Variants in CEP128 observed in about 807,000 individuals in gnomAD.
CEP128 encodes the protein centrosomal protein 128.
In CEP128, 132 loss-of-function variants were observed where a neutral mutation model predicts 156.7. The ratio of observed to expected loss-of-function variants is 0.84; its 90% CI spans 0.73 to 0.97. The LOEUF is 0.97. Among genes scored for constraint, CEP128 ranks in the 50% least tolerant of loss-of-function variants. CEP128 has a pLI of 0.00. For missense variants in CEP128, 1,252 were observed against 1,281.9 expected (o/e 0.98, Z 0.36); for synonymous variants, 469 against 448.9 (o/e 1.04, Z -0.57).
At chr14:80,894,141 G>C (rs1889233962) in intron 8 of CEP128, among the ~76,000 whole-genome samples, 1 of 151,764 alleles carries the variant, frequency 6.6e-6, no homozygotes, top group South Asian at 2.1e-4. Context: ...CAAAAGAAAA[G>C]ATGGAAAATT....
At chr14:80,700,210 C>T (rs933464214) in intron 19 of CEP128, among the ~76,000 whole-genome samples, 1 of 152,136 alleles carries the variant, frequency 6.6e-6, no homozygotes, top group African/African-American at 2.4e-5. Flanking sequence ...TTTGGGACCA[C>T]TGCCAAAATA....
intron 21 of CEP128, among the ~76,000 whole-genome samples, chr14:80,541,662 A>G (rs1048051577): frequency 6.6e-5 from 10 of 151,996 alleles, no homozygotes; most frequent in African/African-American, 2.4e-4. Context: ...AAATACTGCT[A>G]ATTAACTTCT....
intron 19 of CEP128, among the ~76,000 whole-genome samples, chr14:80,714,013 A>T (rs1897510163): frequency 6.6e-6 from 1 of 152,200 alleles, no homozygotes; most frequent in Admixed American, 6.5e-5. Flanking sequence ...AAGTTAGGAT[A>T]ATCCAATTCT....
Position 80,761,452 on chromosome 14 carries a change from T to C in CEP128, c.2538A>G (p.Ser846=), listed in dbSNP as rs1025974758. 1 of 1,603,280 alleles carries C rather than the reference T, an allele frequency of 6.2e-7. No homozygotes were observed. The highest frequency in any genetic ancestry group is 1.1e-5 in the South Asian group (1 of 89,660). ...DAACKTFSKD[S]VEKLKVFSSG... is the part of the protein sequence containing the mutation. Reference sequence around the variant, plus strand: ...TCATAATTACTTTTAATTTCTCCACTGAGTCCTTGGAGAATGTTTTACAAG... The same window carrying C: ...TCATAATTACTTTTAATTTCTCCACCGAGTCCTTGGAGAATGTTTTACAAG... The change falls in exon 17 of 25, where the codon TCA becomes TCG. Residue 846 remains serine (S), a synonymous_variant. Transcript: ENST00000555265.
At chr14:80,614,807 TAGC>T (rs545019485) in intron 19 of CEP128, among the ~76,000 whole-genome samples, 108 of 152,362 alleles carry the variant, frequency 7.1e-4, no homozygotes, top group African/African-American at 2.5e-3. Flanking sequence ...GCTCATGTAA[TAGC>T]ATTCGTCTTG....
intron 23 of CEP128, among the ~76,000 whole-genome samples, chr14:80,515,183 G>A (rs374624972): frequency 6.6e-6 from 1 of 152,314 alleles, no homozygotes; most frequent in South Asian, 2.1e-4. Flanking sequence ...GGTCCATGAT[G>A]ACTAATGCCT....
At position 80,880,908 on chromosome 14, in the gene CEP128, A is replaced by AATAATT. The variant is rs779984422; in HGVS notation, c.645+14809_645+14810insAATTAT. Among the ~76,000 whole-genome samples, 514 of 133,602 alleles carry AATAATT rather than the reference A, an allele frequency of 3.8e-3. 3 individuals are homozygous for AATAATT. Among genetic ancestry groups the AATAATT allele is most frequent in the East Asian group, 0.036 (174 of 4,834 alleles). 87.6% of individuals were successfully genotyped at this position (133,602 alleles called of 152,430 possible). Reference sequence around the variant, plus strand: ...TAATAATAATAATAATAATAATAATAATTTCAGTAAAGGATACAAAATCAA... The same window carrying AATAATT: ...TAATAATAATAATAATAATAATAATAATAATTATTTCAGTAAAGGATACAAAATCAA... On this transcript the variant is annotated intron_variant, in intron 8 of 24. Coordinates refer to ENST00000555265, the MANE Select transcript of CEP128 (RefSeq NM_152446.5).
At chr14:80,747,425 A>C (rs1314793923) in intron 18 of CEP128, among the ~76,000 whole-genome samples, 3 of 152,248 alleles carry the variant, frequency 2.0e-5, no homozygotes, top group Non-Finnish European at 4.4e-5. Context: ...GTCATGATAC[A>C]TGCTAAAATG....
At chr14:80,709,804 A>G (rs1316322466) in intron 19 of CEP128, among the ~76,000 whole-genome samples, 1 of 152,100 alleles carries the variant, frequency 6.6e-6, no homozygotes, top group African/African-American at 2.4e-5. Flanking sequence ...TTCTTTATCA[A>G]TAAATGAATG....
chr14:80,508,690 T>C (rs1003048864), intron 23 of CEP128, among the ~76,000 whole-genome samples: 5 of 152,206 alleles, frequency 3.3e-5, no homozygotes, highest in Admixed American at 6.5e-5. Context: ...TTTAAAAATA[T>C]CATTTTCATT....
At chr14:80,810,628 G>GT (rs1345259808) in intron 13 of CEP128, among the ~76,000 whole-genome samples, 1 of 152,014 alleles carries the variant, frequency 6.6e-6, no homozygotes, top group Non-Finnish European at 1.5e-5. Flanking sequence ...TCTGGTTTTG[G>GT]TAACAGAGTA....
intron 8 of CEP128, among the ~76,000 whole-genome samples, chr14:80,868,808 G>C (rs961796850): frequency 1.3e-5 from 2 of 151,660 alleles, no homozygotes; most frequent in African/African-American, 4.8e-5. Context: ...GATGGAAAAA[G>C]GTATTCTACA....
intron 21 of CEP128, among the ~76,000 whole-genome samples, chr14:80,555,653 T>C (rs908277419): frequency 6.6e-6 from 1 of 152,160 alleles, no homozygotes; most frequent in African/African-American, 2.4e-5. Flanking sequence ...TGTTCATTAC[T>C]GCCTTAGACT....
At chr14:80,634,823 A>G (rs1312845701) in intron 19 of CEP128, among the ~76,000 whole-genome samples, 3 of 152,118 alleles carry the variant, frequency 2.0e-5, no homozygotes, top group Non-Finnish European at 2.9e-5. Flanking sequence ...TTCCTTCTCT[A>G]CATTTTCTCT....
At chr14:80,930,487 G>T (rs1358279257) in intron 2 of CEP128, among the ~76,000 whole-genome samples, 1 of 152,158 alleles carries the variant, frequency 6.6e-6, no homozygotes, top group Non-Finnish European at 1.5e-5. Context: ...AAGGGGGAAA[G>T]ATCCAATGAT....
At chr14:80,882,024 C>G (rs979732635) in intron 8 of CEP128, among the ~76,000 whole-genome samples, 4 of 151,954 alleles carry the variant, frequency 2.6e-5, no homozygotes, top group Admixed American at 2.6e-4. Flanking sequence ...AATAATAAGA[C>G]AAGATAAAGA....
intron 9 of CEP128, among the ~76,000 whole-genome samples, chr14:80,847,398 A>G (rs113395305): frequency 2.0e-5 from 3 of 152,176 alleles, no homozygotes; most frequent in Non-Finnish European, 4.4e-5. Flanking sequence ...TATAGAGAAC[A>G]ATGTTTATTT....
chr14:80,832,953 A>G (rs1885884655), intron 12 of CEP128, among the ~76,000 whole-genome samples: 2 of 152,142 alleles, frequency 1.3e-5, no homozygotes, highest in Admixed American at 1.3e-4. Context: ...TGTCATAACT[A>G]CTCAATTCAA....
intron 19 of CEP128, among the ~76,000 whole-genome samples, chr14:80,703,568 T>C (rs1458154037): frequency 6.6e-6 from 1 of 152,062 alleles, no homozygotes; most frequent in African/African-American, 2.4e-5. Context: ...TTTCTTATAA[T>C]AGTAATTTCC....
Sources: gnomAD v4.1 joint callset for allele counts (sites outside exome capture counted in the v4.1 genomes callset) on GRCh38, gnomAD v4.1.1 for gene constraint, MANE v1.5 for transcripts, NCBI Gene and HGNC (gene_info 2026-07-23, HGNC 2026-07-21) for gene names.